LAMA2: variants seen among roughly 807,000 people sequenced by gnomAD.
The protein encoded by LAMA2 is laminin subunit alpha-2.
LAMA2 carries 269 observed loss-of-function variants against 364.8 expected under a neutral mutation model. The ratio of observed to expected loss-of-function variants is 0.74; its 90% CI spans 0.67 to 0.82. The LOEUF is 0.82. LAMA2 is among the 40% of genes least tolerant of loss of function. LAMA2 has a pLI of 0.00. For synonymous variants in LAMA2, 1,379 were observed against 1,370.6 expected (o/e 1.01, Z -0.14); for missense variants, 3,807 against 3,873.2 (o/e 0.98, Z 0.45).
chr6:129,284,121 A>G (rs1220233665), intron 18 of LAMA2, among the ~76,000 whole-genome samples: 2 of 152,150 alleles, frequency 1.3e-5, no homozygotes, highest in Non-Finnish European at 2.9e-5. Flanking sequence ...AAAAGGCACC[A>G]TGTGAGCAGG....
chr6:129,214,790 G>C (rs207467443), intron 12 of LAMA2, among the ~76,000 whole-genome samples: 2 of 152,056 alleles, frequency 1.3e-5, no homozygotes, highest in Non-Finnish European at 2.9e-5. Flanking sequence ...ATAAATTTTA[G>C]AATCAGTGTG....
intron 41 of LAMA2, among the ~76,000 whole-genome samples, chr6:129,434,696 T>C (rs1781754623): frequency 6.6e-6 from 1 of 152,186 alleles, no homozygotes; most frequent in South Asian, 2.1e-4. Context: ...ATGGATACAC[T>C]ATGCCTCCTC....
At chr6:129,278,658 G>A (rs1788495976) in intron 17 of LAMA2, among the ~76,000 whole-genome samples, 1 of 152,110 alleles carries the variant, frequency 6.6e-6, no homozygotes, top group African/African-American at 2.4e-5. Context: ...CACACGCTGG[G>A]TATGTCTTGT....
chr6:129,492,891 C>T (rs923468153), intron 58 of LAMA2, among the ~76,000 whole-genome samples: 2 of 152,204 alleles, frequency 1.3e-5, no homozygotes, highest in South Asian at 2.1e-4. Context: ...CGGTGGCTCA[C>T]GCCTGTAATC....
chr6:129,376,319 A>G (rs1328745885), intron 34 of LAMA2, among the ~76,000 whole-genome samples: 1 of 152,186 alleles, frequency 6.6e-6, no homozygotes, highest in East Asian at 1.9e-4. Flanking sequence ...ACTTGTGTGT[A>G]TGGCATTCAT....
At chr6:129,039,328 A>G (rs1479670441) in intron 1 of LAMA2, among the ~76,000 whole-genome samples, 1 of 152,190 alleles carries the variant, frequency 6.6e-6, no homozygotes, top group Non-Finnish European at 1.5e-5. Context: ...GTCATCACAA[A>G]GCATTTTCAA....
At chr6:129,064,449 G>A (rs1472726957) in intron 3 of LAMA2, among the ~76,000 whole-genome samples, 1 of 151,598 alleles carries the variant, frequency 6.6e-6, no homozygotes. Flanking sequence ...TAAAGGTCTG[G>A]GTAGAAATAA....
intron 1 of LAMA2, among the ~76,000 whole-genome samples, chr6:128,986,725 C>CT (rs914753024): frequency 2.8e-4 from 42 of 151,952 alleles, no homozygotes; most frequent in African/African-American, 5.3e-4. Context: ...ATCAAATTAC[C>CT]TTTTTTTAAA....
intron 3 of LAMA2, among the ~76,000 whole-genome samples, chr6:129,078,297 G>C (rs1032348251): frequency 6.6e-6 from 1 of 151,770 alleles, no homozygotes; most frequent in Admixed American, 6.6e-5. Flanking sequence ...ACTATACCCC[G>C]CTAATTTTTG....
intron 51 of LAMA2, among the ~76,000 whole-genome samples, chr6:129,471,570 A>G (rs1783813900): frequency 6.6e-6 from 1 of 151,956 alleles, no homozygotes; most frequent in Admixed American, 6.6e-5. Context: ...CTTCCAGTCA[A>G]CAGCCCCATA....
intron 37 of LAMA2, among the ~76,000 whole-genome samples, 156 bp from the exon 38 acceptor site, chr6:129,401,068 G>T (rs1278008279): frequency 1.3e-5 from 2 of 152,162 alleles, no homozygotes; most frequent in African/African-American, 4.8e-5. Flanking sequence ...TTCAAGGACT[G>T]GCTAAGTAGT....
intron 20 of LAMA2, chr6:129,293,144 AT>A: frequency 1.1e-6 from 1 of 924,880 alleles, no homozygotes; most frequent in Non-Finnish European, 1.3e-6. Context: ...CCCTGGTGGC[AT>A]TTTACCAAAT....
intron 27 of LAMA2, among the ~76,000 whole-genome samples, chr6:129,319,862 G>T (rs1347102791): frequency 6.6e-5 from 10 of 150,832 alleles, no homozygotes; most frequent in Non-Finnish European, 1.3e-4. Context: ...GCTGGGCTCA[G>T]TGGCTCATGC....
At chr6:129,020,609 A>G (rs189090592) in intron 1 of LAMA2, among the ~76,000 whole-genome samples, 2 of 152,310 alleles carry the variant, frequency 1.3e-5, no homozygotes, top group Admixed American at 1.3e-4. Flanking sequence ...TAAGGTAGCA[A>G]TCCTCAGAAG....
At chr6:129,078,051 ATGT>A (rs1773770520) in intron 3 of LAMA2, among the ~76,000 whole-genome samples, 2 of 152,154 alleles carry the variant, frequency 1.3e-5, no homozygotes, top group African/African-American at 4.8e-5. Flanking sequence ...GTCATTACAA[ATGT>A]ACTACTCTAC....
chr6:129,040,957 A>G (rs4997856), intron 1 of LAMA2, among the ~76,000 whole-genome samples: 50,406 of 152,110 alleles, frequency 0.33, 9,764 homozygotes, highest in African/African-American at 0.54. Flanking sequence ...GGTGATAAAT[A>G]TTTTTGTTTA....
chr6:129,492,594 A>G (rs1278365433), intron 58 of LAMA2, 111 bp downstream of exon 58: 16 of 997,494 alleles, frequency 1.6e-5, no homozygotes, highest in Non-Finnish European at 2.5e-5. Flanking sequence ...TAGAATTGAA[A>G]GAAATATAAC....
chr6:129,078,287 A>G (rs1164098515), intron 3 of LAMA2, among the ~76,000 whole-genome samples: 1 of 151,936 alleles, frequency 6.6e-6, no homozygotes, highest in Admixed American at 6.6e-5. Flanking sequence ...GGTGCGCGCC[A>G]CTATACCCCG....
At chr6:129,227,494 G>A (rs372834205) in intron 12 of LAMA2, among the ~76,000 whole-genome samples, 6 of 152,054 alleles carry the variant, frequency 3.9e-5, no homozygotes, top group East Asian at 3.9e-4. Context: ...GATGATGTAC[G>A]GATGGGGTTT....
Sources: gnomAD v4.1 joint callset for allele counts (sites outside exome capture counted in the v4.1 genomes callset) on GRCh38, gnomAD v4.1.1 for gene constraint, MANE v1.5 for transcripts, NCBI Gene and HGNC (gene_info 2026-07-23, HGNC 2026-07-21) for gene names.